The following KLHL1 variants were observed in gnomAD, a reference collection of about 807,000 sequenced individuals.
KLHL1 encodes the protein kelch like family member 1.
KLHL1 carries 47 observed loss-of-function variants against 77.7 expected under a neutral mutation model. The observed-to-expected ratio is 0.60, with a 90% CI of 0.48 to 0.77. KLHL1 has a LOEUF of 0.77. Among genes scored for constraint, KLHL1 ranks in the 30% least tolerant of loss-of-function variants. The pLI is 0.00. For synonymous variants in KLHL1, 360 were observed against 325.2 expected (o/e 1.11, Z -1.15); for missense variants, 925 against 910.8 (o/e 1.02, Z -0.20).
chr13:70,073,630 A>C lies in KLHL1; in HGVS notation c.497+33573T>G, dbSNP rs550850298. Among the ~76,000 whole-genome samples, 4 of 151,382 alleles carry C rather than the reference A, an allele frequency of 2.6e-5. No homozygotes were observed. In the East Asian group the frequency reaches 7.8e-4, roughly 30 times the overall value. On this transcript the variant is annotated intron_variant, in intron 1 of 10. Coordinates refer to ENST00000377844, the MANE Select transcript of KLHL1 (RefSeq NM_020866.3). ...GTCTCTACAAAAAATTCTTCTAAAA[A>C]CCCGGGTGTGGTGGTGTGCACCTGT...
intron 10 of KLHL1, among the ~76,000 whole-genome samples, chr13:69,705,166 G>A (rs1875568664): frequency 6.6e-6 from 1 of 151,588 alleles, no homozygotes; most frequent in Non-Finnish European, 1.5e-5. Flanking sequence ...ATTTTACTTA[G>A]GCTAGGAGAA....
intron 5 of KLHL1, among the ~76,000 whole-genome samples, chr13:69,859,546 G>T (rs546510738): frequency 1.3e-5 from 2 of 152,138 alleles, no homozygotes; most frequent in East Asian, 3.9e-4. Flanking sequence ...TTTCACCATA[G>T]TTCGAGTTCT....
rs953342920 is a variant in KLHL1, at chr13:70,085,064, G to A, written c.497+22139C>T. 3.9e-5 allele frequency among the ~76,000 whole-genome samples: 6 copies of A among 152,170 alleles called. No homozygotes were observed. The South Asian group carries it at 6.2e-4, about 16-fold the overall frequency. ...ATGAAGATGCTAAAATCATATATCC[G>A]TATGTGACCATAAATATGGTGTATA... On this transcript the variant is annotated intron_variant, in intron 1 of 10. Transcript: ENST00000377844.
intron 7 of KLHL1, among the ~76,000 whole-genome samples, chr13:69,780,620 T>C (rs1220697653): frequency 1.4e-5 from 2 of 147,984 alleles, no homozygotes; most frequent in Non-Finnish European, 3.0e-5. Flanking sequence ...CTCATTGTTA[T>C]ATATATGGTT....
chr13:69,986,921 C>A (rs534868148), intron 1 of KLHL1, among the ~76,000 whole-genome samples: 159 of 151,884 alleles, frequency 1.0e-3, no homozygotes, highest in Non-Finnish European at 1.9e-3. Context: ...GTGATATTTT[C>A]ATAATAGACA....
intron 3 of KLHL1, among the ~76,000 whole-genome samples, chr13:69,949,893 A>T (rs1284618215): frequency 6.6e-6 from 1 of 151,708 alleles, no homozygotes; most frequent in African/African-American, 2.4e-5. Context: ...CTTATTGCAA[A>T]TTTGTACCTC....
chr13:70,075,363 A>T, intron 1 of KLHL1, among the ~76,000 whole-genome samples: 1 of 151,484 alleles, frequency 6.6e-6, no homozygotes, highest in East Asian at 1.9e-4. Context: ...AGCTATAAAA[A>T]TTGAAAAGGA....
intron 5 of KLHL1, among the ~76,000 whole-genome samples, chr13:69,859,901 G>A (rs1880069075): frequency 6.6e-6 from 1 of 151,952 alleles, no homozygotes; most frequent in Non-Finnish European, 1.5e-5. Context: ...ACAAAAGCAA[G>A]GACTCACCTC....
rs201508057 is a variant in KLHL1, at chr13:69,855,381, T to TAGATAG, written c.1228-16225_1228-16220dup. 1.9e-3 allele frequency among the ~76,000 whole-genome samples: 273 copies of TAGATAG among 141,246 alleles called. 4 individuals are homozygous for TAGATAG. Among genetic ancestry groups the TAGATAG allele is most frequent in the African/African-American group, 7.6e-3 (256 of 33,524 alleles). The allele number at this position is 141,246 out of a possible 152,430, so 92.7% of individuals were successfully genotyped here. A position where few individuals can be genotyped will look rare whatever the true frequency, so the allele number is the denominator to read the frequency against. ...ATAGATACATAGAGAGATAGATCTA[T>TAGATAG]AGATAGAGATAGAGATAGATAGAGA... On this transcript the variant is annotated intron_variant, in intron 5 of 10. Transcript: ENST00000377844.
At chr13:69,782,383 G>T (rs547734808) in intron 7 of KLHL1, among the ~76,000 whole-genome samples, 1 of 152,224 alleles carries the variant, frequency 6.6e-6, no homozygotes, top group Non-Finnish European at 1.5e-5. Flanking sequence ...CTCGGGAAGC[G>T]CAAGGGGTCA....
rs10549532 is a variant in KLHL1 at position 69,996,910 on chromosome 13, A to ATTTTTTTTTTTTTTTTT, written c.498-21125_498-21109dup. Among the ~76,000 whole-genome samples the ATTTTTTTTTTTTTTTTT allele has an allele frequency of 4.1e-4, 29 of 71,238 alleles. 1 individual carries two copies. The highest frequency in any genetic ancestry group is 1.0e-3 in the African/African-American group (18 of 17,762). The allele number at this position is 71,238 out of a possible 152,430, so 46.7% of individuals were successfully genotyped here. ...GAAAAGTTCTTATTTTATTCATTAA[A>ATTTTTTTTTTTTTTTTT]TTTTTTTTTTTTTTTTTTTTTTTTT... is the stretch of plus-strand genomic sequence containing the variant. On this transcript the variant is annotated intron_variant, in intron 1 of 10. Transcript: ENST00000377844.
chr13:69,782,234 G>A (rs1876255875), intron 7 of KLHL1, among the ~76,000 whole-genome samples: 1 of 152,228 alleles, frequency 6.6e-6, no homozygotes, highest in Non-Finnish European at 1.5e-5. Context: ...CCCAGCGTGA[G>A]CGACGCAGAA....
intron 5 of KLHL1, among the ~76,000 whole-genome samples, chr13:69,857,242 C>T (rs1879954867): frequency 6.6e-6 from 1 of 152,018 alleles, no homozygotes; most frequent in Non-Finnish European, 1.5e-5. Context: ...TTCCTGAGTC[C>T]CTGACAAACG....
At chr13:69,962,528 T>C (rs1257488623) in intron 2 of KLHL1, among the ~76,000 whole-genome samples, 1 of 152,084 alleles carries the variant, frequency 6.6e-6, no homozygotes, top group Non-Finnish European at 1.5e-5. Context: ...TTAAGAGGAA[T>C]GCATCTAAAG....
At chr13:70,078,545 G>A (rs1887316419) in intron 1 of KLHL1, among the ~76,000 whole-genome samples, 1 of 152,004 alleles carries the variant, frequency 6.6e-6, no homozygotes, top group Admixed American at 6.6e-5. Context: ...TATTGGCTTG[G>A]CAGTCACACA....
intron 9 of KLHL1, among the ~76,000 whole-genome samples, chr13:69,717,638 T>C (rs1018619228): frequency 4.6e-5 from 7 of 152,274 alleles, no homozygotes; most frequent in African/African-American, 1.4e-4. Context: ...TATCATTTCA[T>C]TGGCAGCATT....
chr13:69,947,907 C>T (rs1379270167), intron 3 of KLHL1, among the ~76,000 whole-genome samples: 1 of 152,016 alleles, frequency 6.6e-6, no homozygotes, highest in Non-Finnish European at 1.5e-5. Flanking sequence ...AAAAGTAATT[C>T]TACATTTTCA....
At chr13:70,104,811 A>T (rs891834783) in intron 1 of KLHL1, among the ~76,000 whole-genome samples, 2 of 152,118 alleles carry the variant, frequency 1.3e-5, no homozygotes, top group African/African-American at 4.8e-5. Flanking sequence ...AATTAAATCC[A>T]CATTACTCAT....
rs187734627 is a variant in KLHL1, at chr13:69,942,798, G to T, written c.818-2562C>A. 1.2e-3 allele frequency among the ~76,000 whole-genome samples: 187 copies of T among 152,138 alleles called. 1 individual carries two copies. The highest frequency in any genetic ancestry group is 3.2e-3 in the African/African-American group (135 of 41,544). On this transcript the variant is annotated intron_variant, in intron 3 of 10. Transcript: ENST00000377844. ...AACAAAGGTATTCTCCAACAGAGTG[G>T]CAATATAATTATCATATATGAAATT...
Sources: allele counts gnomAD v4.1 joint callset (sites outside exome capture counted in the v4.1 genomes callset), GRCh38; gene constraint gnomAD v4.1.1; transcripts MANE v1.5; gene names NCBI Gene and HGNC (gene_info 2026-07-23, HGNC 2026-07-21).